Variants in C8orf82 observed in about 807,000 individuals in gnomAD.
The protein encoded by C8orf82 is chromosome 8 open reading frame 82, also known as UPF0598 protein C8orf82.
Under a neutral mutation model 15.0 loss-of-function variants are expected in C8orf82, and 24 were observed. That is an observed-to-expected ratio of 1.60 (90% CI 1.16 to 2.24). The LOEUF (loss-of-function observed/expected upper bound fraction) is 2.24, where lower values mean the gene tolerates loss of function less well. Among genes scored for constraint, C8orf82 ranks in the 30% most tolerant of loss-of-function variants. The pLI is 0.00. For synonymous variants in C8orf82, 205 were observed against 152.2 expected (o/e 1.35, Z -2.55); for missense variants, 388 against 317.4 (o/e 1.22, Z -1.69).
intron 1 of C8orf82, chr8:144,528,376 G>A (rs1255130731): frequency 6.7e-7 from 1 of 1,500,580 alleles, no homozygotes; most frequent in South Asian, 1.2e-5. Flanking sequence ...CTGCCTCCCG[G>A]ACATGCAGCT....
rs1210935548 is a variant in C8orf82 at position 144,528,049 on chromosome 8, C to T, written c.180G>A (p.Met60Ile). Residue 60 changes from methionine (M) to isoleucine (I), a missense_variant, in exon 2 of 3, where the codon ATG (methionine) becomes ATA (isoleucine). Physicochemically the swap from Met to Ile is conservative, Grantham distance 10. Coordinates refer to ENST00000524821, the MANE Select transcript of C8orf82 (RefSeq NM_001001795.2). ...QGQLFLDDSK[M>I]KNFITCFKDP... The stretch of plus-strand genomic sequence containing the variant: ...CTTTGAAGCAGGTGATGAAATTCTT[C>T]ATTTTGGAATCATCCAGGAAAAGCT... 6.2e-7 allele frequency: 1 copy of T among 1,612,854 alleles called. No homozygotes were observed. The highest frequency in any genetic ancestry group is 1.7e-5 in the Admixed American group (1 of 60,016).
In C8orf82 at chr8:144,527,507, C is replaced by G. The variant is rs1456744835; in HGVS notation, c.486G>C (p.Ala162=). The part of the protein sequence containing the change: ...GRLYHPAPER[A]GGVGLVRSAL... ...CGGAGCGCACCAGGCCCACGCCGCC[C>G]GCACGCTCCGGCGCCGGGTGGTACA... is the stretch of plus-strand genomic sequence containing the variant. The change falls in exon 3 of 3, where the codon GCG becomes GCC. Residue 162 remains alanine, a synonymous_variant. Coordinates refer to ENST00000524821, the MANE Select transcript of C8orf82 (RefSeq NM_001001795.2). 7.7e-7 allele frequency: 1 copy of G among 1,300,570 alleles called. No homozygotes were observed. The highest frequency in any genetic ancestry group is 9.7e-7 in the Non-Finnish European group (1 of 1,026,386). The allele number at this position is 1,300,570 out of a possible 1,614,324, so 80.6% of individuals were successfully genotyped here.
At position 144,529,081 on chromosome 8, in the gene C8orf82, C is replaced by T; in HGVS notation, c.-165G>A. The T allele has an allele frequency of 4.7e-6, 3 of 639,446 alleles. No homozygotes were observed. Among genetic ancestry groups the T allele is most frequent in the Non-Finnish European group, 7.0e-6 (3 of 425,704 alleles). The allele number at this position is 639,446 out of a possible 1,614,324, so 39.6% of individuals were successfully genotyped here. ...CCTCGGGCCTCGGGGGCTCGCCCGC[C>T]CTGGCCTTCCGAGAGGCGTGTGCCG... On this transcript the variant is annotated 5_prime_UTR_variant, in exon 1 of 3. Transcript: ENST00000524821.
At position 144,527,477 on chromosome 8, in the gene C8orf82, C is replaced by T. The variant is rs1192686138; in HGVS notation, c.516G>A (p.Leu172=). 1.2e-5 allele frequency: 15 copies of T among 1,251,886 alleles called. No homozygotes were observed. Among genetic ancestry groups the T allele is most frequent in the Non-Finnish European group, 1.5e-5 (15 of 997,264 alleles). The allele number at this position is 1,251,886 out of a possible 1,614,324, so 77.5% of individuals were successfully genotyped here. ...CGAAGCAGGCGCTGAGCTCGAAGGC[C>T]AGGGCGGAGCGCACCAGGCCCACGC... ...AGGVGLVRSA[L]AFELSACFEY... The change falls in exon 3 of 3, where the codon CTG becomes CTA. Residue 172 remains leucine (L), a synonymous_variant. Coordinates refer to ENST00000524821, the MANE Select transcript of C8orf82 (RefSeq NM_001001795.2).
chr8:144,528,268 C>T, intron 1 of C8orf82, 196 bp from the exon 2 acceptor site: 1 of 1,505,068 alleles, frequency 6.6e-7, no homozygotes, highest in South Asian at 1.2e-5. Context: ...CTATGCGCAC[C>T]TCTGCTCCCT....
In C8orf82 at chr8:144,527,717, GA is replaced by G; in HGVS notation, c.275del (p.Phe92SerfsTer27). The G allele has an allele frequency of 6.3e-7, 1 of 1,590,842 alleles. No homozygotes were observed. The highest frequency in any genetic ancestry group is 8.5e-7 in the Non-Finnish European group (1 of 1,175,962). On this transcript the variant is annotated frameshift_variant, in exon 3 of 3. Coordinates refer to ENST00000524821, the MANE Select transcript of C8orf82 (RefSeq NM_001001795.2). LOFTEE classifies it high-confidence loss of function. Reference sequence around the variant, plus strand: ...CTCTGCCGCAGGGCGAGAGGAAGGGGAAAGCGGCCTCGTAGCGCCCGCTGCG... The same window carrying G: ...CTCTGCCGCAGGGCGAGAGGAAGGGGAAGCGGCCTCGTAGCGCCCGCTGCG... ...PNRSGRYEAA[F>X]PFLSPCGRER... is the part of the protein sequence containing the mutation.
rs1386078754 is a variant in C8orf82, at chr8:144,527,455, A to G, written c.538T>C (p.Phe180Leu). ...SALAFELSACFEYGPGAPALP... is the reference protein window; with the variant it reads ...SALAFELSACLEYGPGAPALP... ...GCAGGCGCGCCGGGCCCGTACTCGAAGCAGGCGCTGAGCTCGAAGGCCAGG... is the reference window on the plus strand; with the variant it reads ...GCAGGCGCGCCGGGCCCGTACTCGAGGCAGGCGCTGAGCTCGAAGGCCAGG... Residue 180 changes from phenylalanine to leucine, a missense_variant, in exon 3 of 3, where the codon TTC (phenylalanine) becomes CTC (leucine). Physicochemically the swap from Phe to Leu is conservative, Grantham distance 22 (BLOSUM62 0). Coordinates refer to ENST00000524821, the MANE Select transcript of C8orf82 (RefSeq NM_001001795.2). The G allele has an allele frequency of 2.4e-5, 30 of 1,244,296 alleles. No homozygotes were observed. The highest frequency in any genetic ancestry group is 2.9e-5 in the Non-Finnish European group (29 of 992,610). 77.1% of individuals were successfully genotyped at this position (1,244,296 alleles called of 1,614,324 possible). A position where few individuals can be genotyped will look rare whatever the true frequency, so the allele number is the denominator to read the frequency against.
Position 144,527,444 on chromosome 8 carries a change from C to G in C8orf82, c.549G>C (p.Gly183=). ...AFELSACFEY[G]PGAPALPSHV... is the part of the protein sequence containing the mutation. ...GCGAGGGCAGCGCAGGCGCGCCGGG[C>G]CCGTACTCGAAGCAGGCGCTGAGCT... The change falls in exon 3 of 3, where the codon GGG becomes GGC. Residue 183 remains glycine, a synonymous_variant. Transcript: ENST00000524821. 1 of 1,240,742 alleles carries G rather than the reference C, an allele frequency of 8.1e-7. No homozygotes were observed. The highest frequency in any genetic ancestry group is 1.0e-6 in the Non-Finnish European group (1 of 990,108). 76.9% of individuals were successfully genotyped at this position (1,240,742 alleles called of 1,614,324 possible).
chr8:144,527,976 T>G (rs772000391), intron 2 of C8orf82, 48 bp downstream of exon 2: 4 of 1,596,918 alleles, frequency 2.5e-6, no homozygotes, highest in Non-Finnish European at 3.4e-6. Context: ...CATCAGGGGC[T>G]GCCCGGAAGG....
At position 144,529,075 on chromosome 8, in the gene C8orf82, G is replaced by T; in HGVS notation, c.-159C>A. On this transcript the variant is annotated 5_prime_UTR_variant, in exon 1 of 3. Transcript: ENST00000524821. ...CCTCTCCCTCGGGCCTCGGGGGCTCGCCCGCCCTGGCCTTCCGAGAGGCGT... is the reference window on the plus strand; with the variant it reads ...CCTCTCCCTCGGGCCTCGGGGGCTCTCCCGCCCTGGCCTTCCGAGAGGCGT... The T allele has an allele frequency of 1.5e-6, 1 of 645,784 alleles. No homozygotes were observed. The highest frequency in any genetic ancestry group is 2.3e-6 in the Non-Finnish European group (1 of 430,896). 40.0% of individuals were successfully genotyped at this position (645,784 alleles called of 1,614,324 possible). A position where few individuals can be genotyped will look rare whatever the true frequency, so the allele number is the denominator to read the frequency against.
Position 144,527,461 on chromosome 8 carries a change from C to T in C8orf82, c.532G>A (p.Ala178Thr), listed in dbSNP as rs1423350068. ...VRSALAFELS[A>T]CFEYGPGAPA... is the part of the protein sequence containing the mutation. ...GCGCCGGGCCCGTACTCGAAGCAGG[C>T]GCTGAGCTCGAAGGCCAGGGCGGAG... is the stretch of plus-strand genomic sequence containing the variant. The change falls in exon 3 of 3, where the codon GCC (alanine) becomes ACC (threonine). Residue 178 changes from alanine to threonine, a missense_variant. By Grantham distance (58) the Ala-to-Thr change is moderately conservative. Coordinates refer to ENST00000524821, the MANE Select transcript of C8orf82 (RefSeq NM_001001795.2). The T allele has an allele frequency of 1.3e-5, 16 of 1,246,440 alleles. No individual in the cohort carries two copies. Among genetic ancestry groups the T allele is most frequent in the Non-Finnish European group, 1.5e-5 (15 of 994,014 alleles). The allele number at this position is 1,246,440 out of a possible 1,614,324, so 77.2% of individuals were successfully genotyped here.
Position 144,528,062 on chromosome 8 carries a change from T to C in C8orf82, c.167A>G (p.Asp56Gly). The C allele has an allele frequency of 1.9e-6, 3 of 1,612,786 alleles. No homozygotes were observed. The highest frequency in any genetic ancestry group is 2.5e-6 in the Non-Finnish European group (3 of 1,179,914). Residue 56 changes from aspartate to glycine, a missense_variant, in exon 2 of 3, where the codon GAT becomes GGT. Asp to Gly is a moderately conservative substitution (Grantham distance 94, BLOSUM62 -1). Transcript: ENST00000524821. ...YVDHQGQLFL[D>G]DSKMKNFITC... ...GATGAAATTCTTCATTTTGGAATCA[T>C]CCAGGAAAAGCTGCAGATAGAGGGC...
At chr8:144,528,616 C>CCCGGGGGGGGGGGGGGGGGGGCGGGGGG in intron 1 of C8orf82, 145 bp downstream of exon 1, 1 of 296,006 alleles carries the variant, frequency 3.4e-6, no homozygotes, top group Non-Finnish European at 5.1e-6. Flanking sequence ...GCGCAGGCCC[C>CCCGGGGGGGGGGGGGGGGGGGCGGGGGG]GCCCACCCAC....
At position 144,528,996 on chromosome 8, in the gene C8orf82, C is replaced by G. The variant is rs1271022788; in HGVS notation, c.-80G>C. On this transcript the variant is annotated 5_prime_UTR_variant, in exon 1 of 3. Transcript: ENST00000524821. ...AACTCGCGCCTGCCCGCAGTAGCCC[C>G]GCGCTTCGCGTTCCGGCGGCGCCCG... is the stretch of plus-strand genomic sequence containing the variant. The G allele has an allele frequency of 7.4e-7, 1 of 1,350,194 alleles. No homozygotes were observed. 83.6% of individuals were successfully genotyped at this position (1,350,194 alleles called of 1,614,324 possible).
Position 144,527,511 on chromosome 8 carries a change from C to G in C8orf82, c.482G>C (p.Arg161Pro), listed in dbSNP as rs1434565235. ...GCGCACCAGGCCCACGCCGCCCGCA[C>G]GCTCCGGCGCCGGGTGGTACAGGCG... ...NGRLYHPAPE[R>P]AGGVGLVRSA... The change falls in exon 3 of 3, where the codon CGT (arginine) becomes CCT (proline). Residue 161 changes from arginine to proline, a missense_variant. Arg to Pro is a moderately radical substitution (Grantham distance 103). Coordinates refer to ENST00000524821, the MANE Select transcript of C8orf82 (RefSeq NM_001001795.2). The G allele has an allele frequency of 2.3e-6, 3 of 1,304,156 alleles. No homozygotes were observed. The South Asian group carries it at 5.7e-5, about 25-fold the overall frequency. The allele number at this position is 1,304,156 out of a possible 1,614,324, so 80.8% of individuals were successfully genotyped here.
Position 144,527,477 on chromosome 8 carries a change from CA to C in C8orf82, c.515del (p.Leu172ArgfsTer287). The C allele has an allele frequency of 8.0e-7, 1 of 1,251,994 alleles. No individual in the cohort carries two copies. The highest frequency in any genetic ancestry group is 1.0e-6 in the Non-Finnish European group (1 of 997,254). 77.6% of individuals were successfully genotyped at this position (1,251,994 alleles called of 1,614,324 possible). On this transcript the variant is annotated frameshift_variant, in exon 3 of 3. Transcript: ENST00000524821. LOFTEE classifies it high-confidence loss of function. ...CGAAGCAGGCGCTGAGCTCGAAGGC[CA>C]GGGCGGAGCGCACCAGGCCCACGCC... ...AGGVGLVRSA[L>X]AFELSACFEY...
chr8:144,528,689 G>GCCCCCCCC, intron 1 of C8orf82, 72 bp downstream of exon 1: 1 of 68,850 alleles, frequency 1.5e-5, no homozygotes, highest in African/African-American at 5.1e-5. Context: ...ACAGAGCCAC[G>GCCCCCCCC]CCCCCCCCCC....
intron 1 of C8orf82, 53 bp downstream of exon 1, chr8:144,528,708 C>CCCCACAACAA: frequency 1.3e-6 from 1 of 771,044 alleles, no homozygotes; most frequent in Non-Finnish European, 1.7e-6. Flanking sequence ...CCCGCCCCGC[C>CCCCACAACAA]CAGAGACCTC....
rs959365000 is a variant in C8orf82, at chr8:144,527,369, C to T, written c.624G>A (p.Pro208=). 3.9e-5 allele frequency: 48 copies of T among 1,222,174 alleles called. 1 individual carries two copies. The highest frequency in any genetic ancestry group is 1.1e-5 in the Non-Finnish European group (11 of 975,906). The allele number at this position is 1,222,174 out of a possible 1,614,324, so 75.7% of individuals were successfully genotyped here. The change falls in exon 3 of 3, where the codon CCG becomes CCA. Residue 208 remains proline, a synonymous_variant. Transcript: ENST00000524821. The part of the protein sequence containing the change: ...RRLALTMDLA[P]LLLAARSP ...AGGGCGACCGAGCCGCGAGCAGCAG[C>T]GGGGCCAGGTCCATGGTGAGGGCGA...
Sources: allele counts gnomAD v4.1 joint callset, GRCh38; gene constraint gnomAD v4.1.1; transcripts MANE v1.5; gene names NCBI Gene and HGNC (gene_info 2026-07-23, HGNC 2026-07-21).